F5: variants seen among roughly 807,000 people sequenced by gnomAD.
The protein encoded by F5 is activated protein c cofactor.
Under a neutral mutation model 216.4 loss-of-function variants are expected in F5, and 138 were observed. The observed-to-expected ratio is 0.64, with a 90% CI of 0.56 to 0.73. The LOEUF (loss-of-function observed/expected upper bound fraction) is 0.73, where lower values mean the gene tolerates loss of function less well. F5 is among the 30% of genes least tolerant of loss of function. F5 has a pLI of 0.00. For synonymous variants in F5, 916 were observed against 930.7 expected (o/e 0.98, Z 0.29); for missense variants, 2,403 against 2,674.0 (o/e 0.90, Z 2.24).
Position 169,556,738 on chromosome 1 carries a change from G to A in F5, c.860C>T (p.Thr287Ile). The A allele has an allele frequency of 6.2e-7, 1 of 1,614,106 alleles. No homozygotes were observed. Among genetic ancestry groups the A allele is most frequent in the Non-Finnish European group, 8.5e-7 (1 of 1,180,020 alleles). The change falls in exon 6 of 25, where the codon ACC (threonine) becomes ATC (isoleucine). Residue 287 changes from threonine to isoleucine, a missense_variant. By Grantham distance (89) the Thr-to-Ile change is moderately conservative. Around this residue, in one of 4 missense-constraint regions of F5, gnomAD observed 1,425 missense variants for 1,554.8 expected, o/e 0.92. Transcript: ENST00000367797. ...GGTAGTGGATGTAGCACTGACAAGG[G>A]TGATGGCTGAGACCTTATGATGGTT... is the stretch of plus-strand genomic sequence containing the variant. ...EQNHHKVSAI[T>I]LVSATSTTAN...
chr1:169,547,179 A>G (rs1660028769), intron 10 of F5, among the ~76,000 whole-genome samples: 1 of 152,078 alleles, frequency 6.6e-6, no homozygotes, highest in Non-Finnish European at 1.5e-5. Flanking sequence ...AATAACAGAA[A>G]CAAACAAACA....
rs1181079387 is a variant in F5, at chr1:169,515,322, A to G, written c.6528+122T>C. On this transcript the variant is annotated intron_variant, in intron 24 of 24. Transcript: ENST00000367797. ...TCTGAGACCAGGCACCTTAAGAACT[A>G]AGATTTAGAAGACTTAAAGAGGTGG... 3.3e-6 allele frequency: 4 copies of G among 1,221,252 alleles called. No homozygotes were observed. In the African/African-American group the frequency reaches 4.4e-5, roughly 14 times the overall value. 75.7% of individuals were successfully genotyped at this position (1,221,252 alleles called of 1,614,324 possible).
intron 14 of F5, among the ~76,000 whole-genome samples, chr1:169,534,449 C>T (rs1571568553): frequency 6.6e-6 from 1 of 152,262 alleles, no homozygotes; most frequent in East Asian, 1.9e-4. Flanking sequence ...AGGCAGATTG[C>T]CCGAGGTCAG....
In F5 at chr1:169,514,105, T is replaced by C; in HGVS notation, c.*208A>G. The C allele has an allele frequency of 1.8e-6, 1 of 559,034 alleles. No individual in the cohort carries two copies. The highest frequency in any genetic ancestry group is 2.3e-5 in the South Asian group (1 of 43,362). The allele number at this position is 559,034 out of a possible 1,614,324, so 34.6% of individuals were successfully genotyped here. On this transcript the variant is annotated 3_prime_UTR_variant, in exon 25 of 25. Coordinates refer to ENST00000367797, the MANE Select transcript of F5 (RefSeq NM_000130.5). ...GATATTTTCCTACCTGTATTCAAAT[T>C]AATGCAGAAGTAATAGCCATTATCT...
intron 21 of F5, among the ~76,000 whole-genome samples, chr1:169,521,530 A>G (rs1659306132): frequency 6.6e-6 from 1 of 152,108 alleles, no homozygotes; most frequent in Non-Finnish European, 1.5e-5. Context: ...TTTTTAAAAC[A>G]GAAGATTGGA....
rs771009273 is a variant in F5 at position 169,582,560 on chromosome 1, T to C, written c.159-38A>G. ...TACAAAAACTAATTTGAAAGGCATA[T>C]TCAATATCTATTTCTCACATTACAA... On this transcript the variant is annotated intron_variant, in intron 1 of 24. Coordinates refer to ENST00000367797, the MANE Select transcript of F5 (RefSeq NM_000130.5). 2.1e-5 allele frequency: 24 copies of C among 1,119,346 alleles called. 1 individual carries two copies. The highest frequency in any genetic ancestry group is 3.1e-5 in the African/African-American group (2 of 65,258). The allele number at this position is 1,119,346 out of a possible 1,614,324, so 69.3% of individuals were successfully genotyped here.
chr1:169,532,850 C>A (rs1659621262), intron 14 of F5, among the ~76,000 whole-genome samples: 1 of 152,152 alleles, frequency 6.6e-6, no homozygotes, highest in Admixed American at 6.6e-5. Flanking sequence ...CTACTGGAAT[C>A]ATTTTCCTCA....
chr1:169,538,791 A>G (rs1255678361), intron 13 of F5, among the ~76,000 whole-genome samples: 2 of 152,142 alleles, frequency 1.3e-5, no homozygotes, highest in African/African-American at 4.8e-5. Flanking sequence ...AGGAAGGGCT[A>G]TGGTGGGAGG....
At chr1:169,531,133 T>C in intron 14 of F5, 111 bp from the exon 15 acceptor site, 4 of 798,296 alleles carry the variant, frequency 5.0e-6, no homozygotes, top group Non-Finnish European at 8.6e-6. Context: ...AGCTAAGATA[T>C]AAGGTACAAA....
intron 1 of F5, among the ~76,000 whole-genome samples, chr1:169,583,668 T>C (rs1328364450): frequency 6.6e-6 from 1 of 152,250 alleles, no homozygotes; most frequent in Non-Finnish European, 1.5e-5. Context: ...CTAGTAATAT[T>C]ATTTTGTAAA....
intron 8 of F5, among the ~76,000 whole-genome samples, chr1:169,552,049 A>G (rs549348177): frequency 6.6e-6 from 1 of 152,292 alleles, no homozygotes; most frequent in Non-Finnish European, 1.5e-5. Context: ...GCAACTTTTA[A>G]TCTATTATGC....
chr1:169,559,629 CAGTTGGTAAAAGCATCATGCCCCA>C (rs148970172), intron 4 of F5, among the ~76,000 whole-genome samples: 222 of 152,170 alleles, frequency 1.5e-3, no homozygotes, highest in African/African-American at 5.0e-3. Flanking sequence ...TACGTTAGCT[CAGTTGGTAAAAGCATCATGCCCCA>C]AGTTTAATGC....
intron 4 of F5, among the ~76,000 whole-genome samples, chr1:169,559,848 G>T (rs1361770516): frequency 2.6e-5 from 4 of 152,082 alleles, no homozygotes; most frequent in African/African-American, 9.7e-5. Flanking sequence ...TGGAAAAAAA[G>T]TCTTTGTATA....
intron 17 of F5, among the ~76,000 whole-genome samples, 194 bp downstream of exon 17, chr1:169,527,721 T>C (rs1450785721): frequency 2.0e-5 from 3 of 152,170 alleles, no homozygotes; most frequent in Admixed American, 6.6e-5. Flanking sequence ...GTGCTGCAAA[T>C]AGTTCATAAA....
chr1:169,514,535 C>T, intron 24 of F5, 76 bp from the exon 25 acceptor site: 3 of 1,316,678 alleles, frequency 2.3e-6, no homozygotes, highest in Non-Finnish European at 3.2e-6. Flanking sequence ...TTTTTTTAGA[C>T]AGGGTCTTAT....
chr1:169,514,295 G>A lies in F5; in HGVS notation c.*18C>T. The A allele has an allele frequency of 6.2e-7, 1 of 1,612,512 alleles. No individual in the cohort carries two copies. The highest frequency in any genetic ancestry group is 8.5e-7 in the Non-Finnish European group (1 of 1,178,896). The stretch of plus-strand genomic sequence containing the variant: ...AGGTCTTAAAGAGTCTCTTCCAGGG[G>A]TTTTTGAATGTTCAATTCTAGTAAA... On this transcript the variant is annotated 3_prime_UTR_variant, in exon 25 of 25. Coordinates refer to ENST00000367797, the MANE Select transcript of F5 (RefSeq NM_000130.5).
Position 169,536,549 on chromosome 1 carries a change from A to G in F5, c.4928T>C (p.Ile1643Thr). The G allele has an allele frequency of 6.2e-7, 1 of 1,613,630 alleles. No individual in the cohort carries two copies. Among genetic ancestry groups the G allele is most frequent in the South Asian group, 1.1e-5 (1 of 91,062 alleles). The change falls in exon 14 of 25, where the codon ATT becomes ACT. Residue 1643 changes from isoleucine to threonine, a missense_variant. This residue lies in a region of F5 where 659 missense variants were observed against 787.9 expected (regional missense o/e 0.84). Transcript: ENST00000367797. ...TTCAGCTCTGATAATAGGACCAAGA[A>G]TTCCGAGATGCTCTTCATACTCCCC... ...PRGEYEEHLG[I>T]LGPIIRAEVD...
intron 14 of F5, among the ~76,000 whole-genome samples, chr1:169,535,709 C>A (rs2101814742): frequency 6.6e-6 from 1 of 152,178 alleles, no homozygotes. Flanking sequence ...GAAAAAGGAT[C>A]CCCTAATCAT....
At chr1:169,573,958 T>C (rs1660785487) in intron 2 of F5, among the ~76,000 whole-genome samples, 1 of 152,066 alleles carries the variant, frequency 6.6e-6, no homozygotes, top group Non-Finnish European at 1.5e-5. Flanking sequence ...AGTCAACCAA[T>C]TTTGGATCAA....
Sources: gnomAD v4.1 joint callset for allele counts (sites outside exome capture counted in the v4.1 genomes callset) on GRCh38, gnomAD v4.1.1 for gene constraint, gnomAD v4.1.1 regional missense constraint, MANE v1.5 for transcripts, NCBI Gene and HGNC (gene_info 2026-07-23, HGNC 2026-07-21) for gene names.